The following FEZ1 variants were observed in gnomAD, a reference collection of about 807,000 sequenced individuals.
FEZ1 encodes fasciculation and elongation protein zeta-1.
FEZ1 carries 20 observed loss-of-function variants against 49.3 expected under a neutral mutation model. The observed-to-expected ratio is 0.41, with a 90% CI of 0.29 to 0.59. The LOEUF (loss-of-function observed/expected upper bound fraction) is 0.59, where lower values mean the gene tolerates loss of function less well. Among genes scored for constraint, FEZ1 ranks in the 20% least tolerant of loss-of-function variants. The pLI is 0.36. For synonymous variants in FEZ1, 170 were observed against 180.9 expected, an observed-to-expected ratio of 0.94 and a Z score of 0.48; for missense variants, 413 against 476.0, an observed-to-expected ratio of 0.87 and a Z score of 1.23.
In FEZ1 at chr11:125,489,357, A is replaced by G; in HGVS notation, c.311+110T>C. On this transcript the variant is annotated intron_variant, in intron 2 of 9. Coordinates refer to ENST00000278919, the MANE Select transcript of FEZ1 (RefSeq NM_005103.5). This position sits in a 1 kb window ranked among gnomAD's most constrained non-coding sequence, Gnocchi z 4.2. ...GGCACTGCTCCGCTGGCAACACGAA[A>G]ATGAAAGTAATAGCCCATAAACCTA... The G allele has an allele frequency of 2.7e-6, 4 of 1,489,842 alleles. No individual in the cohort carries two copies. The highest frequency in any genetic ancestry group is 2.3e-5 in the East Asian group (1 of 43,340). The allele number at this position is 1,489,842 out of a possible 1,614,324, so 92.3% of individuals were successfully genotyped here. A position where few individuals can be genotyped will look rare whatever the true frequency, so the allele number is the denominator to read the frequency against.
intron 3 of FEZ1, among the ~76,000 whole-genome samples, chr11:125,466,069 C>T (rs967717625): frequency 6.6e-6 from 1 of 152,210 alleles, no homozygotes; most frequent in African/African-American, 2.4e-5. Context: ...GCATAAGACA[C>T]TGACATAGAT....
At chr11:125,493,162 A>G (rs1490082256) in intron 1 of FEZ1, among the ~76,000 whole-genome samples, 2 of 147,476 alleles carry the variant, frequency 1.4e-5, no homozygotes, top group African/African-American at 5.1e-5. Flanking sequence ...CCCTGTCTCT[A>G]CTAAAAATAC....
chr11:125,443,751 G>A lies in FEZ1; in HGVS notation c.*2344C>T, dbSNP rs374584748. Among the ~76,000 whole-genome samples the A allele has an allele frequency of 1.3e-5, 2 of 152,006 alleles. No individual in the cohort carries two copies. Among genetic ancestry groups the A allele is most frequent in the South Asian group, 2.1e-4 (1 of 4,822 alleles). On this transcript the variant is annotated 3_prime_UTR_variant, in exon 10 of 10. Transcript: ENST00000278919. Reference sequence around the variant, plus strand: ...TATTCCCCTTAAACTCCTGATAGACGGACAAACAAGAGAGAAAGGAGGAGC... The same window carrying A: ...TATTCCCCTTAAACTCCTGATAGACAGACAAACAAGAGAGAAAGGAGGAGC...
intron 3 of FEZ1, among the ~76,000 whole-genome samples, chr11:125,477,886 G>C (rs1173185256): frequency 6.7e-6 from 1 of 150,138 alleles, no homozygotes; most frequent in Non-Finnish European, 1.5e-5. Context: ...TAAAAGAAAT[G>C]CAAGCAGTTG....
chr11:125,478,185 A>G (rs1453182202), intron 3 of FEZ1, among the ~76,000 whole-genome samples: 8 of 152,196 alleles, frequency 5.3e-5, no homozygotes, highest in African/African-American at 9.7e-5. Flanking sequence ...GCTCACACCT[A>G]TAATCCCAGC....
intron 8 of FEZ1, 127 bp downstream of exon 8, chr11:125,452,207 T>C: frequency 1.4e-6 from 1 of 694,924 alleles, no homozygotes; most frequent in Non-Finnish European, 2.6e-6. Flanking sequence ...CGCAGTAATT[T>C]GGAGGGTATT....
chr11:125,451,090 T>C (rs1007275771), intron 8 of FEZ1, among the ~76,000 whole-genome samples: 3 of 152,234 alleles, frequency 2.0e-5, no homozygotes, highest in Admixed American at 1.3e-4. Context: ...TTTTGAGCTA[T>C]GATAGAATAC....
intron 2 of FEZ1, among the ~76,000 whole-genome samples, chr11:125,482,069 G>GT (rs1957285796): frequency 6.6e-6 from 1 of 152,160 alleles, no homozygotes; most frequent in South Asian, 2.1e-4. Flanking sequence ...GGAACACAGA[G>GT]AAAGAGAGAT....
Position 125,495,984 on chromosome 11 carries a change from A to G in FEZ1, c.-46+137T>C. On this transcript the variant is annotated intron_variant, in intron 1 of 9. Transcript: ENST00000278919. This position sits in a 1 kb window ranked among gnomAD's most constrained non-coding sequence, Gnocchi z 4.2. ...CCCGTTGTTCCTTTCTAATCCCAGA[A>G]TGGGACCAGGTGAGGGGAGCTGCGG... 1 of 218,492 alleles carries G rather than the reference A, an allele frequency of 4.6e-6. No homozygotes were observed. Among genetic ancestry groups the G allele is most frequent in the Middle Eastern group, 1.9e-3 (1 of 538 alleles). 13.5% of individuals were successfully genotyped at this position (218,492 alleles called of 1,614,324 possible). A position where few individuals can be genotyped will look rare whatever the true frequency, so the allele number is the denominator to read the frequency against.
chr11:125,463,006 A>G (rs1229686051), intron 4 of FEZ1, among the ~76,000 whole-genome samples: 7 of 142,884 alleles, frequency 4.9e-5, no homozygotes, highest in Non-Finnish European at 1.1e-4. Context: ...TCTCAAAATG[A>G]AAAAAAAAAA....
In FEZ1 at chr11:125,489,663, C is replaced by G. The variant is rs1170783764; in HGVS notation, c.115G>C (p.Glu39Gln). The part of the protein sequence containing the change: ...CFYGSSPHHL[E>Q]DPSLSELENF... ...TCAAGCTCGGAGAGGGAGGGGTCCTCGAGATGGTGGGGAGATGAACCATAG... is the reference window on the plus strand; with the variant it reads ...TCAAGCTCGGAGAGGGAGGGGTCCTGGAGATGGTGGGGAGATGAACCATAG... The change falls in exon 2 of 10, where the codon GAG becomes CAG. Residue 39 changes from glutamate to glutamine, a missense_variant. Transcript: ENST00000278919. This position sits in a 1 kb window ranked among gnomAD's most constrained non-coding sequence, Gnocchi z 4.2. The G allele has an allele frequency of 1.2e-6, 2 of 1,614,008 alleles. No homozygotes were observed. Among genetic ancestry groups the G allele is most frequent in the South Asian group, 1.1e-5 (1 of 91,054 alleles).
Position 125,444,893 on chromosome 11 carries a change from G to A in FEZ1, c.*1202C>T, listed in dbSNP as rs567166253. On this transcript the variant is annotated 3_prime_UTR_variant, in exon 10 of 10. Transcript: ENST00000278919. ...TCATACTAGCACCTGTTTACACGTG[G>A]TGATGCTGTGATGTGTGCTAATGCA... 2.0e-5 allele frequency among the ~76,000 whole-genome samples: 3 copies of A among 152,340 alleles called. No homozygotes were observed. The highest frequency in any genetic ancestry group is 1.3e-4 in the Admixed American group (2 of 15,304).
At chr11:125,454,000 G>C (rs546898462) in intron 7 of FEZ1, 130 bp downstream of exon 7, 2 of 432,854 alleles carry the variant, frequency 4.6e-6, no homozygotes, top group Non-Finnish European at 8.3e-6. Context: ...GGAGAAAAAA[G>C]TGTTAGGACC....
At chr11:125,491,695 C>CT (rs1423178335) in intron 1 of FEZ1, among the ~76,000 whole-genome samples, 32 of 152,296 alleles carry the variant, frequency 2.1e-4, no homozygotes, top group African/African-American at 7.0e-4. Flanking sequence ...AACTAAAACT[C>CT]TAAATAAGCA....
Position 125,471,819 on chromosome 11 carries a change from T to C in FEZ1, c.412-8249A>G, listed in dbSNP as rs368397116. On this transcript the variant is annotated intron_variant, in intron 3 of 9. Coordinates refer to ENST00000278919, the MANE Select transcript of FEZ1 (RefSeq NM_005103.5). ...ACCAACAATTGCAGAATGTGCATCA[T>C]TTCCAATGGCATATATTACATTCAC... Among the ~76,000 whole-genome samples the C allele has an allele frequency of 4.0e-4, 61 of 152,268 alleles. No individual in the cohort carries two copies. The South Asian group carries it at 7.3e-3, about 18-fold the overall frequency.
chr11:125,447,852 T>C (rs1047111304), intron 9 of FEZ1, among the ~76,000 whole-genome samples: 22 of 151,990 alleles, frequency 1.4e-4, no homozygotes, highest in Admixed American at 1.3e-4. Context: ...AAACTCTTCA[T>C]TTGTTTTAGT....
At chr11:125,479,329 T>G (rs549877978) in intron 3 of FEZ1, among the ~76,000 whole-genome samples, 50 of 152,338 alleles carry the variant, frequency 3.3e-4, no homozygotes, top group African/African-American at 1.0e-3. Flanking sequence ...TGTTTCTTGC[T>G]CTTTTACTTG....
chr11:125,462,834 A>G (rs1468972844), intron 4 of FEZ1, among the ~76,000 whole-genome samples: 1 of 151,954 alleles, frequency 6.6e-6, no homozygotes, highest in Non-Finnish European at 1.5e-5. Flanking sequence ...CCTCATCTCC[A>G]CTAAAAGTAC....
rs1591579322 is a variant in FEZ1, at chr11:125,450,731, G to C, written c.1096+1603C>G. Among the ~76,000 whole-genome samples the C allele has an allele frequency of 3.9e-5, 6 of 152,186 alleles. No individual in the cohort carries two copies. The South Asian group carries it at 1.2e-3, about 32-fold the overall frequency. On this transcript the variant is annotated intron_variant, in intron 8 of 9. Coordinates refer to ENST00000278919, the MANE Select transcript of FEZ1 (RefSeq NM_005103.5). ...ATGATAGAAGAGATAGCCATAAAAAGAACATTAACAAAGTGTTAACTAATG... is the reference window on the plus strand; with the variant it reads ...ATGATAGAAGAGATAGCCATAAAAACAACATTAACAAAGTGTTAACTAATG...
Sources: allele counts gnomAD v4.1 joint callset (sites outside exome capture counted in the v4.1 genomes callset), GRCh38; gene constraint gnomAD v4.1.1; non-coding constraint Gnocchi (gnomAD v3.1); transcripts MANE v1.5; gene names NCBI Gene and HGNC (gene_info 2026-07-23, HGNC 2026-07-21).